Variants in DIS3L observed in about 807,000 individuals in gnomAD.
DIS3L encodes the protein DIS3 like exosome 3'-5' exoribonuclease, also known as DIS3-like exonuclease 1.
In DIS3L, 100 loss-of-function variants were observed where a neutral mutation model predicts 120.3. The observed-to-expected ratio is 0.83, with a 90% CI of 0.71 to 0.98. The LOEUF is 0.98. Among genes scored for constraint, DIS3L ranks in the 50% least tolerant of loss-of-function variants. The pLI, the probability that DIS3L is intolerant of heterozygous loss-of-function variation, is 0.00. For missense variants in DIS3L, 1,196 were observed against 1,314.2 expected, an observed-to-expected ratio of 0.91 and a Z score of 1.39; for synonymous variants, 426 against 470.6, an observed-to-expected ratio of 0.91 and a Z score of 1.23.
chr15:66,326,324 C>T lies in DIS3L; in HGVS notation c.2161C>T (p.Arg721Trp), dbSNP rs138210034. Reference sequence around the variant, plus strand: ...ACACCAGGAGTTCTTTTCAGAACTCCGGGAATGTGCTAAAGCCAAAGGCTT... The same window carrying T: ...ACACCAGGAGTTCTTTTCAGAACTCTGGGAATGTGCTAAAGCCAAAGGCTT... Reference protein sequence around the residue: ...PPHQEFFSELRECAKAKGFFI... With the variant: ...PPHQEFFSELWECAKAKGFFI... The change falls in exon 12 of 17, where the codon CGG becomes TGG. Residue 721 changes from arginine to tryptophan, a missense_variant. Transcript: ENST00000319212. 1.7e-5 allele frequency: 28 copies of T among 1,614,088 alleles called. No homozygotes were observed. The African/African-American group carries it at 2.9e-4, about 17-fold the overall frequency.
At chr15:66,317,520 G>A (rs1311063720) in intron 7 of DIS3L, among the ~76,000 whole-genome samples, 1 of 152,068 alleles carries the variant, frequency 6.6e-6, no homozygotes, top group Non-Finnish European at 1.5e-5. Context: ...GACTGAAAAC[G>A]CGCAGTTGAG....
chr15:66,327,767 A>C (rs1350669226), intron 12 of DIS3L, among the ~76,000 whole-genome samples: 2 of 151,346 alleles, frequency 1.3e-5, no homozygotes, highest in African/African-American at 4.9e-5. Flanking sequence ...TAAATAAATA[A>C]AAACTAAGTA....
upstream of DIS3L, chr15:66,293,504 A>G: frequency 4.8e-6 from 6 of 1,249,928 alleles, no homozygotes; most frequent in Non-Finnish European, 6.0e-6. Flanking sequence ...GCGGTTCCGG[A>G]GCCGCGGCGC....
chr15:66,309,094 A>AAAAAAAAAATATAT, intron 4 of DIS3L, among the ~76,000 whole-genome samples: 204 of 15,316 alleles, frequency 0.013, 50 homozygotes, highest in African/African-American at 0.035. Context: ...AAAAAAAAAA[A>AAAAAAAAAATATAT]ATATATATAT....
At chr15:66,295,378 G>C (rs545093772) in intron 2 of DIS3L, among the ~76,000 whole-genome samples, 2 of 152,226 alleles carry the variant, frequency 1.3e-5, no homozygotes, top group African/African-American at 4.8e-5. Context: ...CCAGTATGTG[G>C]GTATTTAAGA....
chr15:66,312,049 A>T, intron 5 of DIS3L, 149 bp downstream of exon 5: 1 of 930,032 alleles, frequency 1.1e-6, no homozygotes. Context: ...TCTAGAAAAA[A>T]TTTAAAAATT....
intron 4 of DIS3L, among the ~76,000 whole-genome samples, chr15:66,310,633 A>G (rs927097442): frequency 1.3e-5 from 2 of 152,224 alleles, no homozygotes; most frequent in African/African-American, 4.8e-5. Context: ...ATAAGTGACC[A>G]TAGAATTGGG....
At position 66,322,789 on chromosome 15, in the gene DIS3L, A is replaced by G. The variant is rs773343239; in HGVS notation, c.1429A>G (p.Ile477Val). Residue 477 changes from isoleucine (I) to valine (V), a missense_variant, in exon 10 of 17, where the codon ATT becomes GTT. Coordinates refer to ENST00000319212, the MANE Select transcript of DIS3L (RefSeq NM_001143688.3). ...DLRKSHLVFSIDPKGCEDVDD... is the reference protein window; with the variant it reads ...DLRKSHLVFSVDPKGCEDVDD... ...GAGGAAAAGCCATCTCGTATTCAGC[A>G]TTGACCCCAAAGGTTGTGAAGATGT... 6.2e-7 allele frequency: 1 copy of G among 1,614,218 alleles called. No homozygotes were observed. Among genetic ancestry groups the G allele is most frequent in the Admixed American group, 1.7e-5 (1 of 60,024 alleles).
At position 66,326,378 on chromosome 15, in the gene DIS3L, G is replaced by A. The variant is rs1056768479; in HGVS notation, c.2201+14G>A. On this transcript the variant is annotated intron_variant, in intron 12 of 16. Coordinates refer to ENST00000319212, the MANE Select transcript of DIS3L (RefSeq NM_001143688.3). ...CATAGATACACGGTATTCCTCTTTT[G>A]AGGGGGCAGAGGAATGGAGTGGCAT... The A allele has an allele frequency of 2.5e-6, 4 of 1,607,268 alleles. No individual in the cohort carries two copies. Among genetic ancestry groups the A allele is most frequent in the Non-Finnish European group, 3.4e-6 (4 of 1,175,504 alleles).
At chr15:66,323,423 C>T (rs925907988) in intron 10 of DIS3L, 70 bp from the exon 11 acceptor site, 16 of 1,520,220 alleles carry the variant, frequency 1.1e-5, no homozygotes, top group African/African-American at 5.5e-5. Context: ...TACCTCCCTG[C>T]GGCCCACACA....
intron 8 of DIS3L, among the ~76,000 whole-genome samples, chr15:66,319,784 C>T (rs2092860286): frequency 6.6e-6 from 1 of 151,922 alleles, no homozygotes; most frequent in Non-Finnish European, 1.5e-5. Flanking sequence ...ATTCAGTTTA[C>T]ACGACACCTT....
chr15:66,306,931 C>A lies in DIS3L; in HGVS notation c.401C>A (p.Ser134Tyr), dbSNP rs745642750. 6.2e-7 allele frequency: 1 copy of A among 1,614,098 alleles called. No homozygotes were observed. Among genetic ancestry groups the A allele is most frequent in the Non-Finnish European group, 8.5e-7 (1 of 1,179,988 alleles). ...CCYLPRERGE[S>Y]MEKWQTRSIY... ...TATCTGCCACGGGAAAGAGGAGAGTCCATGGAGAAGTGGCAGACCAGGTAT... is the reference window on the plus strand; with the variant it reads ...TATCTGCCACGGGAAAGAGGAGAGTACATGGAGAAGTGGCAGACCAGGTAT... Residue 134 changes from serine (S) to tyrosine (Y), a missense_variant, in exon 3 of 17, where the codon TCC (serine) becomes TAC (tyrosine). Transcript: ENST00000319212.
intron 2 of DIS3L, among the ~76,000 whole-genome samples, chr15:66,300,670 T>C (rs1011943475): frequency 6.6e-6 from 1 of 152,152 alleles, no homozygotes; most frequent in Non-Finnish European, 1.5e-5. Context: ...TTTAGGTATG[T>C]GAGATGGCGG....
At chr15:66,294,336 G>A (rs2092561357) in intron 1 of DIS3L, 4 of 985,544 alleles carry the variant, frequency 4.1e-6, no homozygotes, top group Non-Finnish European at 4.8e-6. Context: ...AGGCCACAAG[G>A]GTGGCCGATA....
rs369395932 is a variant in DIS3L at position 66,328,985 on chromosome 15, G to A, written c.2217G>A (p.Leu739=). Residue 739 remains leucine (L), a synonymous_variant, in exon 13 of 17, where the codon CTG becomes CTA. Transcript: ENST00000319212. The part of the protein sequence containing the change: ...FFIDTRSNKT[L]ADSLDNANDP... ...TCTTTGTCAGGTCCAATAAAACACT[G>A]GCTGATTCTCTGGATAATGCGAACG... is the stretch of plus-strand genomic sequence containing the variant. The A allele has an allele frequency of 1.6e-5, 25 of 1,612,224 alleles. No homozygotes were observed. Among genetic ancestry groups the A allele is most frequent in the Non-Finnish European group, 1.9e-5 (22 of 1,179,654 alleles).
chr15:66,308,912 C>A, intron 4 of DIS3L, 68 bp downstream of exon 4: 1 of 1,492,546 alleles, frequency 6.7e-7, no homozygotes. Flanking sequence ...CTCTAGATCC[C>A]TTTGGTAACA....
upstream of DIS3L, chr15:66,293,552 C>T (rs932215494): frequency 1.0e-5 from 14 of 1,385,012 alleles, no homozygotes; most frequent in South Asian, 1.5e-5. Context: ...GCGGCCTTGC[C>T]TCCGCCGCGC....
At chr15:66,305,225 C>T (rs970666843) in intron 2 of DIS3L, among the ~76,000 whole-genome samples, 5 of 151,924 alleles carry the variant, frequency 3.3e-5, no homozygotes, top group Non-Finnish European at 7.4e-5. Context: ...TGGTCTCGAT[C>T]TCCTGACCTC....
chr15:66,320,384 A>G (rs1381349365), intron 8 of DIS3L, among the ~76,000 whole-genome samples, 187 bp from the exon 9 acceptor site: 1 of 151,840 alleles, frequency 6.6e-6, no homozygotes, highest in South Asian at 2.1e-4. Flanking sequence ...CAAGCATTTC[A>G]TACCATCTGG....
Sources: allele counts gnomAD v4.1 joint callset (sites outside exome capture counted in the v4.1 genomes callset), GRCh38; gene constraint gnomAD v4.1.1; transcripts MANE v1.5; gene names NCBI Gene and HGNC (gene_info 2026-07-23, HGNC 2026-07-21).